RGS6: variants seen among roughly 807,000 people sequenced by gnomAD.
The protein encoded by RGS6 is regulator of G protein signaling 6.
A neutral mutation model predicts 78.5 loss-of-function variants in RGS6; 30 were observed. The ratio of observed to expected loss-of-function variants is 0.38; its 90% CI spans 0.29 to 0.52. The LOEUF is 0.52. Among genes scored for constraint, RGS6 ranks in the 20% least tolerant of loss-of-function variants. The pLI is 0.85. For synonymous variants in RGS6, 206 were observed against 206.0 expected, an observed-to-expected ratio of 1.00 and a Z score of 0.00; for missense variants, 495 against 609.7, an observed-to-expected ratio of 0.81 and a Z score of 1.98.
intron 3 of RGS6, among the ~76,000 whole-genome samples, chr14:72,446,122 G>A (rs1305252364): frequency 6.6e-6 from 1 of 152,150 alleles, no homozygotes; most frequent in Non-Finnish European, 1.5e-5. Context: ...AGCCAGCATG[G>A]TGGTACATGC....
At chr14:72,427,092 G>A (rs1362456240) in intron 3 of RGS6, among the ~76,000 whole-genome samples, 1 of 152,218 alleles carries the variant, frequency 6.6e-6, no homozygotes, top group African/African-American at 2.4e-5. Context: ...CTGGCCATGT[G>A]AGTCATCTTG....
intron 2 of RGS6, among the ~76,000 whole-genome samples, chr14:72,173,620 C>T (rs374333970): frequency 6.6e-5 from 10 of 152,226 alleles, no homozygotes; most frequent in African/African-American, 2.4e-4. Flanking sequence ...CCAATAACCT[C>T]GACTCTTGAA....
At chr14:72,510,339 G>A (rs1282083538) in intron 14 of RGS6, 60 bp downstream of exon 14, 1 of 1,596,174 alleles carries the variant, frequency 6.3e-7, no homozygotes, top group East Asian at 2.2e-5. Context: ...TGCATAATCG[G>A]TCTCTCCATC....
intron 15 of RGS6, among the ~76,000 whole-genome samples, chr14:72,532,264 G>A (rs2097191746): frequency 6.6e-6 from 1 of 152,172 alleles, no homozygotes; most frequent in Admixed American, 6.5e-5. Context: ...GATCTTTGAT[G>A]TTACTATTGT....
chr14:71,942,783 A>C (rs988591546), intron 1 of RGS6, among the ~76,000 whole-genome samples: 1 of 152,230 alleles, frequency 6.6e-6, no homozygotes, highest in Non-Finnish European at 1.5e-5. Context: ...TGTTAGTAAC[A>C]TAGGGTGGTA....
intron 3 of RGS6, among the ~76,000 whole-genome samples, chr14:72,404,747 T>G (rs112460685): frequency 6.6e-6 from 1 of 152,128 alleles, no homozygotes; most frequent in Non-Finnish European, 1.5e-5. Flanking sequence ...GCTGCCACCA[T>G]GGTTACTGCA....
chr14:72,247,784 A>AT (rs1212542581), intron 2 of RGS6, among the ~76,000 whole-genome samples: 2 of 152,102 alleles, frequency 1.3e-5, no homozygotes, highest in African/African-American at 4.8e-5. Flanking sequence ...AGTTTGTTCC[A>AT]TTTTCCTGTT....
chr14:72,575,050 G>A, the RGS6 span, among the ~76,000 whole-genome samples: 9 of 152,286 alleles, frequency 5.9e-5, no homozygotes, highest in African/African-American at 2.2e-4. Flanking sequence ...TGGAGAAACT[G>A]TGTGGAGCCA....
chr14:72,454,880 A>C (rs1427165376), intron 4 of RGS6, among the ~76,000 whole-genome samples: 1 of 152,248 alleles, frequency 6.6e-6, no homozygotes, highest in Non-Finnish European at 1.5e-5. Flanking sequence ...AAGTTGTAGC[A>C]CTGTCACTGA....
intron 2 of RGS6, among the ~76,000 whole-genome samples, chr14:72,178,597 C>A (rs1466232478): frequency 6.6e-6 from 1 of 152,200 alleles, no homozygotes; most frequent in Non-Finnish European, 1.5e-5. Context: ...TGGTTCTTAG[C>A]TTGTTATCTG....
chr14:72,213,934 T>A (rs1288190081), intron 2 of RGS6, among the ~76,000 whole-genome samples: 1 of 152,236 alleles, frequency 6.6e-6, no homozygotes, highest in Non-Finnish European at 1.5e-5. Context: ...CGATCTTTTC[T>A]TGATGACCTA....
At chr14:72,261,334 G>A (rs1355765160) in intron 2 of RGS6, among the ~76,000 whole-genome samples, 1 of 152,174 alleles carries the variant, frequency 6.6e-6, no homozygotes, top group East Asian at 1.9e-4. Context: ...AATGAAAGCA[G>A]AGGAGGAGGG....
intron 2 of RGS6, among the ~76,000 whole-genome samples, chr14:72,147,074 C>CAT (rs549992622): frequency 4.6e-5 from 7 of 152,218 alleles, no homozygotes; most frequent in Non-Finnish European, 1.0e-4. Context: ...TTTCTACCAA[C>CAT]ATACTGATCA....
At chr14:72,376,295 A>G (rs2084697410) in intron 3 of RGS6, among the ~76,000 whole-genome samples, 1 of 152,234 alleles carries the variant, frequency 6.6e-6, no homozygotes, top group African/African-American at 2.4e-5. Flanking sequence ...TTGAAATAAT[A>G]CAGGCAAACA....
chr14:72,453,610 C>T (rs1203761867), intron 3 of RGS6, among the ~76,000 whole-genome samples: 2 of 91,306 alleles, frequency 2.2e-5, no homozygotes, highest in Non-Finnish European at 3.9e-5. Flanking sequence ...AGCGAGACTC[C>T]GTCTCAAAAA....
intron 15 of RGS6, among the ~76,000 whole-genome samples, chr14:72,535,934 C>G (rs1254524661): frequency 6.6e-6 from 1 of 152,164 alleles, no homozygotes; most frequent in Non-Finnish European, 1.5e-5. Context: ...ACATGGCACC[C>G]AAGCCCAATT....
At chr14:71,881,398 G>T in the RGS6 span, among the ~76,000 whole-genome samples, 1 of 152,150 alleles carries the variant, frequency 6.6e-6, no homozygotes, top group Non-Finnish European at 1.5e-5. Context: ...ATATGGTTTG[G>T]CTGTGTCCCC....
chr14:72,372,012 C>T (rs2083610255), intron 3 of RGS6, among the ~76,000 whole-genome samples: 2 of 152,092 alleles, frequency 1.3e-5, no homozygotes, highest in East Asian at 1.9e-4. Flanking sequence ...CTAACAAAAT[C>T]GTGTTTCTGA....
At chr14:72,334,498 G>A (rs1462322784) in intron 2 of RGS6, among the ~76,000 whole-genome samples, 1 of 152,212 alleles carries the variant, frequency 6.6e-6, no homozygotes, top group East Asian at 1.9e-4. Context: ...TTGATGGCAG[G>A]AGGGAGGGGT....
Sources: gnomAD v4.1 joint callset for allele counts (sites outside exome capture counted in the v4.1 genomes callset) on GRCh38, gnomAD v4.1.1 for gene constraint, MANE v1.5 for transcripts, NCBI Gene and HGNC (gene_info 2026-07-23, HGNC 2026-07-21) for gene names.